Variants in UBE2W observed in about 807,000 individuals in gnomAD.
The protein encoded by UBE2W is ubiquitin conjugating enzyme E2 W, also known as ubiquitin-conjugating enzyme E2 W.
A neutral mutation model predicts 27.2 loss-of-function variants in UBE2W; 18 were observed. The ratio of observed to expected loss-of-function variants is 0.66; its 90% CI spans 0.46 to 0.98. The LOEUF is 0.98. Among genes scored for constraint, UBE2W ranks in the 50% least tolerant of loss-of-function variants. UBE2W has a pLI of 0.00. For missense variants in UBE2W, 90 were observed against 180.2 expected (o/e 0.50, Z 2.87); for synonymous variants, 53 against 57.2 (o/e 0.93, Z 0.33).
At chr8:73,816,409 G>T (rs777741744) in intron 3 of UBE2W, among the ~76,000 whole-genome samples, 2 of 152,098 alleles carry the variant, frequency 1.3e-5, no homozygotes, top group Non-Finnish European at 2.9e-5. Context: ...CATGAAAGAG[G>T]ATGGAAAATC....
At chr8:73,876,991 AAAGTTC>A (rs1431180324) in intron 1 of UBE2W, among the ~76,000 whole-genome samples, 2 of 152,340 alleles carry the variant, frequency 1.3e-5, no homozygotes, top group African/African-American at 2.4e-5. Context: ...GACACCATGT[AAAGTTC>A]AAGTTCAAGA....
chr8:73,784,743 G>C (rs1407719411), downstream of UBE2W, among the ~76,000 whole-genome samples: 4 of 152,080 alleles, frequency 2.6e-5, no homozygotes, highest in Non-Finnish European at 5.9e-5. Context: ...TAGACCTACT[G>C]GGTCTAGCTT....
intron 1 of UBE2W, among the ~76,000 whole-genome samples, chr8:73,852,119 C>T (rs537263810): frequency 5.3e-5 from 8 of 151,922 alleles, no homozygotes; most frequent in Non-Finnish European, 1.2e-4. Context: ...GGGTTGGAGG[C>T]AACTGAGATT....
In UBE2W at chr8:73,791,697, T is replaced by C. The variant is rs1808208750; in HGVS notation, c.*2405A>G. ...CAAGGAGTTTTCAATGATTCCTAAATTCAAGAGAGTGTTGTTAGCCTGATT... is the reference window on the plus strand; with the variant it reads ...CAAGGAGTTTTCAATGATTCCTAAACTCAAGAGAGTGTTGTTAGCCTGATT... On this transcript the variant is annotated 3_prime_UTR_variant, in exon 6 of 6. Transcript: ENST00000602593. 2 of 985,120 alleles carry C rather than the reference T, an allele frequency of 2.0e-6. No homozygotes were observed. Among genetic ancestry groups the C allele is most frequent in the East Asian group, 1.1e-4 (1 of 8,828 alleles). The allele number at this position is 985,120 out of a possible 1,614,324, so 61.0% of individuals were successfully genotyped here. A position where few individuals can be genotyped will look rare whatever the true frequency, so the allele number is the denominator to read the frequency against.
At position 73,788,114 on chromosome 8, in the gene UBE2W, G is replaced by C. The variant is rs1306972621; in HGVS notation, c.*5988C>G. 6.0e-5 allele frequency: 59 copies of C among 983,578 alleles called. No individual in the cohort carries two copies. Among genetic ancestry groups the C allele is most frequent in the Non-Finnish European group, 6.8e-5 (56 of 828,478 alleles). 60.9% of individuals were successfully genotyped at this position (983,578 alleles called of 1,614,324 possible). A position where few individuals can be genotyped will look rare whatever the true frequency, so the allele number is the denominator to read the frequency against. On this transcript the variant is annotated 3_prime_UTR_variant, in exon 6 of 6. Coordinates refer to ENST00000602593, the MANE Select transcript of UBE2W (RefSeq NM_018299.6). The stretch of plus-strand genomic sequence containing the variant: ...GGTATCTATCCCATTTAGTATTCAA[G>C]TCTACAGAAAAAATCCAATAACAAC...
At chr8:73,813,290 G>A (rs1809248034) in intron 3 of UBE2W, among the ~76,000 whole-genome samples, 1 of 152,082 alleles carries the variant, frequency 6.6e-6, no homozygotes, top group African/African-American at 2.4e-5. Context: ...CAGTAAGTAG[G>A]CATGAACCAA....
chr8:73,804,418 A>G lies in UBE2W; in HGVS notation c.442+1233T>C, dbSNP rs116978158. ...ACAGACTTTTTGTTTTTAATTTCAAATAACTCTTCAGGGAAGCATTAAGGT... is the reference window on the plus strand; with the variant it reads ...ACAGACTTTTTGTTTTTAATTTCAAGTAACTCTTCAGGGAAGCATTAAGGT... On this transcript the variant is annotated intron_variant, in intron 5 of 5. Transcript: ENST00000602593. Among the ~76,000 whole-genome samples the G allele has an allele frequency of 1.3e-3, 204 of 152,238 alleles. 1 individual carries two copies. The highest frequency in any genetic ancestry group is 2.7e-3 in the South Asian group (13 of 4,824).
chr8:73,840,900 T>C (rs1810510772), intron 1 of UBE2W, among the ~76,000 whole-genome samples: 1 of 152,170 alleles, frequency 6.6e-6, no homozygotes, highest in South Asian at 2.1e-4. Context: ...GGGGGAGGTA[T>C]AGAGGTCTCA....
downstream of UBE2W, among the ~76,000 whole-genome samples, chr8:73,782,550 A>G (rs1586424278): frequency 6.6e-6 from 1 of 152,124 alleles, no homozygotes; most frequent in Admixed American, 6.5e-5. Flanking sequence ...AGCATAACCG[A>G]GATTTATCAG....
rs1449146495 is a variant in UBE2W at position 73,789,247 on chromosome 8, G to A, written c.*4855C>T. 1.1e-6 allele frequency: 1 copy of A among 896,996 alleles called. No homozygotes were observed. Among genetic ancestry groups the A allele is most frequent in the African/African-American group, 1.9e-5 (1 of 51,416 alleles). The allele number at this position is 896,996 out of a possible 1,614,324, so 55.6% of individuals were successfully genotyped here. A position where few individuals can be genotyped will look rare whatever the true frequency, so the allele number is the denominator to read the frequency against. On this transcript the variant is annotated 3_prime_UTR_variant, in exon 6 of 6. Transcript: ENST00000602593. ...GCATTTTGGGAGGCTGAGGCAGGAGGAATGCTTGAGCCCAGGAATTCAAGA... is the reference window on the plus strand; with the variant it reads ...GCATTTTGGGAGGCTGAGGCAGGAGAAATGCTTGAGCCCAGGAATTCAAGA...
chr8:73,837,883 A>C (rs966137315), intron 1 of UBE2W, among the ~76,000 whole-genome samples: 1 of 152,074 alleles, frequency 6.6e-6, no homozygotes, highest in Admixed American at 6.5e-5. Flanking sequence ...CCAGGGCGAA[A>C]AGGCCTAAAG....
At position 73,788,295 on chromosome 8, in the gene UBE2W, CTT is replaced by C; in HGVS notation, c.*5805_*5806del. 7 of 983,226 alleles carry C rather than the reference CTT, an allele frequency of 7.1e-6. No homozygotes were observed. The highest frequency in any genetic ancestry group is 8.5e-6 in the Non-Finnish European group (7 of 827,952). 60.9% of individuals were successfully genotyped at this position (983,226 alleles called of 1,614,324 possible). A position where few individuals can be genotyped will look rare whatever the true frequency, so the allele number is the denominator to read the frequency against. Reference sequence around the variant, plus strand: ...AGTAGTGACTTTACATATTTTGCAACTTGAGTTTATAAAATATATACATCCAC... The same window carrying C: ...AGTAGTGACTTTACATATTTTGCAACGAGTTTATAAAATATATACATCCAC... On this transcript the variant is annotated 3_prime_UTR_variant, in exon 6 of 6. Transcript: ENST00000602593.
At chr8:73,816,403 A>C (rs144720806) in intron 3 of UBE2W, among the ~76,000 whole-genome samples, 7 of 152,302 alleles carry the variant, frequency 4.6e-5, no homozygotes, top group Non-Finnish European at 8.8e-5. Flanking sequence ...ATCACCCATG[A>C]AAGAGGATGG....
downstream of UBE2W, among the ~76,000 whole-genome samples, chr8:73,784,505 T>C (rs1807900246): frequency 6.6e-6 from 1 of 152,222 alleles, no homozygotes; most frequent in African/African-American, 2.4e-5. Context: ...TGCTGGCTGT[T>C]AATCATGGTG....
At chr8:73,834,228 T>C (rs1364143037) in intron 1 of UBE2W, among the ~76,000 whole-genome samples, 1 of 152,228 alleles carries the variant, frequency 6.6e-6, no homozygotes, top group Non-Finnish European at 1.5e-5. Context: ...CCACTACAGA[T>C]AGAAAACTGT....
intron 2 of UBE2W, among the ~76,000 whole-genome samples, chr8:73,826,214 A>G (rs1176745950): frequency 6.6e-6 from 1 of 152,258 alleles, no homozygotes; most frequent in Non-Finnish European, 1.5e-5. Context: ...CATATATAAC[A>G]ATCATAAACA....
At position 73,792,538 on chromosome 8, in the gene UBE2W, T is replaced by C; in HGVS notation, c.*1564A>G. 1.0e-6 allele frequency: 1 copy of C among 985,702 alleles called. No homozygotes were observed. Among genetic ancestry groups the C allele is most frequent in the South Asian group, 4.7e-5 (1 of 21,288 alleles). 61.1% of individuals were successfully genotyped at this position (985,702 alleles called of 1,614,324 possible). ...ATTTACCAATTATTGATTGAATGGT[T>C]TTACTGGGGTACGTATTTCAAACCT... On this transcript the variant is annotated 3_prime_UTR_variant, in exon 6 of 6. Transcript: ENST00000602593.
chr8:73,803,369 T>TA (rs1808727107), intron 5 of UBE2W, among the ~76,000 whole-genome samples: 3 of 152,222 alleles, frequency 2.0e-5, no homozygotes, highest in Non-Finnish European at 4.4e-5. Flanking sequence ...TAATGCCTTA[T>TA]CATATATTCA....
rs1474174491 is a variant in UBE2W at position 73,793,356 on chromosome 8, C to T, written c.*746G>A. ...ATTAAACCATTCATACCCTATATTA[C>T]TCATACCTTTACTTCAGAGATTGAG... On this transcript the variant is annotated 3_prime_UTR_variant, in exon 6 of 6. Coordinates refer to ENST00000602593, the MANE Select transcript of UBE2W (RefSeq NM_018299.6). The T allele has an allele frequency of 6.1e-6, 6 of 985,806 alleles. No homozygotes were observed. Among genetic ancestry groups the T allele is most frequent in the Non-Finnish European group, 7.2e-6 (6 of 829,886 alleles). The allele number at this position is 985,806 out of a possible 1,614,324, so 61.1% of individuals were successfully genotyped here.
Sources: allele counts gnomAD v4.1 joint callset (sites outside exome capture counted in the v4.1 genomes callset), GRCh38; gene constraint gnomAD v4.1.1; transcripts MANE v1.5; gene names NCBI Gene and HGNC (gene_info 2026-07-23, HGNC 2026-07-21).